The following RCC1 variants were observed in gnomAD, a reference collection of about 807,000 sequenced individuals.
RCC1 encodes regulator of chromosome condensation.
RCC1 carries 11 observed loss-of-function variants against 44.4 expected under a neutral mutation model. The ratio of observed to expected loss-of-function variants is 0.25; its 90% confidence interval spans 0.16 to 0.41. The LOEUF (loss-of-function observed/expected upper bound fraction) is 0.41. Among genes scored for constraint, RCC1 ranks in the 10% least tolerant of loss-of-function variants. The pLI, the probability that RCC1 is intolerant of heterozygous loss-of-function variation, is 1.00. For missense variants in RCC1, 386 were observed against 547.1 expected, an observed-to-expected ratio of 0.71 and a Z score of 2.94; for synonymous variants, 213 against 216.5, an observed-to-expected ratio of 0.98 and a Z score of 0.14.
rs574922680 is a variant in RCC1 at position 28,506,221 on chromosome 1, C to T, written c.-262+137C>T. ...ATTTACTTTTTTTTTTTTTTTGAGA[C>T]GGAGTCGGTTTGTCACTCAGGCTGG... On this transcript the variant is annotated intron_variant, in intron 1 of 12. Coordinates refer to ENST00000683442, the MANE Select transcript of RCC1 (RefSeq NM_001381865.2). 7 of 423,784 alleles carry T rather than the reference C, an allele frequency of 1.7e-5. No homozygotes were observed. In the East Asian group the frequency reaches 2.9e-4, roughly 18 times the overall value. 26.3% of individuals were successfully genotyped at this position (423,784 alleles called of 1,614,324 possible). A position where few individuals can be genotyped will look rare whatever the true frequency, so the allele number is the denominator to read the frequency against.
intron 1 of RCC1, chr1:28,507,252 C>G (rs1204012280): frequency 1.8e-5 from 8 of 450,924 alleles, no homozygotes; most frequent in Non-Finnish European, 3.1e-5. Flanking sequence ...TTTTAACACC[C>G]CACTGTGGAC....
rs570357083 is a variant in RCC1, at chr1:28,529,431, G to A, written c.-9-427G>A. On this transcript the variant is annotated intron_variant, in intron 4 of 12. Coordinates refer to ENST00000683442, the MANE Select transcript of RCC1 (RefSeq NM_001381865.2). ...ACTCCTGATCTCAGGTAATCCGCCC[G>A]CCCCGGCCTCCCACAGTGTTGGGAT... Among the ~76,000 whole-genome samples the A allele has an allele frequency of 8.8e-4, 134 of 151,902 alleles. 2 individuals carry two copies. In the South Asian group the frequency reaches 0.027, roughly 30 times the overall value.
At position 28,537,977 on chromosome 1, in the gene RCC1, C is replaced by G; in HGVS notation, c.1236C>G (p.Val412=). 2 of 1,613,896 alleles carry G rather than the reference C, an allele frequency of 1.2e-6. No individual in the cohort carries two copies. The highest frequency in any genetic ancestry group is 1.1e-5 in the South Asian group (1 of 91,002). Residue 412 remains valine, a synonymous_variant, in exon 13 of 13, where the codon GTC becomes GTG. Coordinates refer to ENST00000683442, the MANE Select transcript of RCC1 (RefSeq NM_001381865.2). ...LSVSSGGQHT[V]LLVKDKEQS is the part of the protein sequence containing the mutation. ...TGTCCAGCGGGGGCCAGCATACAGT[C>G]TTATTAGTCAAGGACAAAGAACAGA...
intron 4 of RCC1, among the ~76,000 whole-genome samples, chr1:28,524,605 C>T (rs1397490657): frequency 2.0e-5 from 3 of 152,110 alleles, no homozygotes; most frequent in Non-Finnish European, 4.4e-5. Flanking sequence ...CACCTATAAT[C>T]CCAGCACTTT....
At chr1:28,535,809 G>C in intron 9 of RCC1, 62 bp from the exon 10 acceptor site, 1 of 1,552,772 alleles carries the variant, frequency 6.4e-7, no homozygotes, top group South Asian at 1.2e-5. Context: ...AATTAAACTC[G>C]GGGCAGAGAG....
At position 28,534,702 on chromosome 1, in the gene RCC1, A is replaced by T. The variant is rs866001107; in HGVS notation, c.442-348A>T. Reference sequence around the variant, plus strand: ...CACCGTGTTGCCCAAGCTGGTCCTGAGCTCAAGCGATCTGCCCACCTGGGC... The same window carrying T: ...CACCGTGTTGCCCAAGCTGGTCCTGTGCTCAAGCGATCTGCCCACCTGGGC... On this transcript the variant is annotated intron_variant, in intron 7 of 12. Coordinates refer to ENST00000683442, the MANE Select transcript of RCC1 (RefSeq NM_001381865.2). Among the ~76,000 whole-genome samples, 5 of 152,176 alleles carry T rather than the reference A, an allele frequency of 3.3e-5. No individual in the cohort carries two copies. The South Asian group carries it at 8.3e-4, about 25-fold the overall frequency.
At chr1:28,530,759 C>CGCGCACCTCCCGCAAAT (rs1557877468) in intron 5 of RCC1, 1 of 602,478 alleles carries the variant, frequency 1.7e-6, no homozygotes, top group East Asian at 3.0e-5. Context: ...GAGCCCCGGG[C>CGCGCACCTCCCGCAAAT]GCGCACCTCC....
At chr1:28,531,705 C>A in intron 5 of RCC1, 98 bp from the exon 6 acceptor site, 1 of 971,398 alleles carries the variant, frequency 1.0e-6, no homozygotes, top group Non-Finnish European at 1.5e-6. Context: ...TGTGGCAGAG[C>A]AGGGGCTTCT....
chr1:28,531,011 C>T (rs1664121648), intron 5 of RCC1, among the ~76,000 whole-genome samples: 1 of 152,116 alleles, frequency 6.6e-6, no homozygotes, highest in African/African-American at 2.4e-5. Flanking sequence ...AGGTGGCTCA[C>T]GCCTGTCAGA....
At chr1:28,534,245 A>G (rs1370142585) in intron 7 of RCC1, among the ~76,000 whole-genome samples, 2 of 151,284 alleles carry the variant, frequency 1.3e-5, no homozygotes, top group Non-Finnish European at 2.9e-5. Context: ...CAGTGGCGCG[A>G]TCTCGGCTCA....
intron 4 of RCC1, among the ~76,000 whole-genome samples, chr1:28,521,482 AGAGC>A (rs1262896219): frequency 5.4e-5 from 8 of 148,132 alleles, no homozygotes; most frequent in African/African-American, 2.0e-4. Context: ...ACTGGGCGAC[AGAGC>A]GAGACTCCAC....
At chr1:28,515,706 G>C (rs550543956) in intron 3 of RCC1, among the ~76,000 whole-genome samples, 1 of 151,810 alleles carries the variant, frequency 6.6e-6, no homozygotes, top group Non-Finnish European at 1.5e-5. Flanking sequence ...AACAGAATGA[G>C]ACTCCATCTC....
At position 28,529,915 on chromosome 1, in the gene RCC1, AT is replaced by A; in HGVS notation, c.50del (p.Ile17ThrfsTer7). 1 of 1,614,020 alleles carries A rather than the reference AT, an allele frequency of 6.2e-7. No individual in the cohort carries two copies. On this transcript the variant is annotated frameshift_variant, in exon 5 of 13. Transcript: ENST00000683442. LOFTEE classifies it high-confidence loss of function. ...AAGAAGGTCCCCCCCAGCAGATGCC[AT>A]CCCCAAAAGCAAGAAGGTGAAGGGT... is the stretch of plus-strand genomic sequence containing the variant. The part of the protein sequence containing the change: ...AKRRSPPADA[I>X]PKSKKVKVSH...
chr1:28,515,348 G>A (rs1037459975), intron 3 of RCC1, among the ~76,000 whole-genome samples: 1 of 151,524 alleles, frequency 6.6e-6, no homozygotes, highest in African/African-American at 2.4e-5. Flanking sequence ...TACTCGGGAG[G>A]CTGAGGCAGA....
chr1:28,531,779 G>T, intron 5 of RCC1, 24 bp from the exon 6 acceptor site: 1 of 1,506,806 alleles, frequency 6.6e-7, no homozygotes, highest in South Asian at 1.4e-5. Context: ...TCTACACTCA[G>T]GGTCTATCTT....
chr1:28,528,028 A>C (rs996980427), intron 4 of RCC1, among the ~76,000 whole-genome samples: 2 of 146,224 alleles, frequency 1.4e-5, no homozygotes, highest in Non-Finnish European at 3.0e-5. Context: ...AAAAAAAAAA[A>C]CATGTAATCG....
At chr1:28,515,660 T>C (rs1662853944) in intron 3 of RCC1, among the ~76,000 whole-genome samples, 1 of 151,898 alleles carries the variant, frequency 6.6e-6, no homozygotes. Context: ...GAGGTTGCAG[T>C]GAGCCGAGAT....
intron 3 of RCC1, among the ~76,000 whole-genome samples, chr1:28,514,118 G>C (rs1254805972): frequency 7.3e-5 from 11 of 151,036 alleles, no homozygotes. Context: ...AGTGAGCTGA[G>C]ATCGTGCCAG....
intron 7 of RCC1, chr1:28,532,633 C>A: frequency 1.9e-6 from 1 of 518,934 alleles, no homozygotes; most frequent in Non-Finnish European, 3.7e-6. Flanking sequence ...CTGCTGTCTT[C>A]ACCCATCTCC....
Sources: gnomAD v4.1 joint callset for allele counts (sites outside exome capture counted in the v4.1 genomes callset) on GRCh38, gnomAD v4.1.1 for gene constraint, MANE v1.5 for transcripts, NCBI Gene and HGNC (gene_info 2026-07-23, HGNC 2026-07-21) for gene names.